Variants in SLC24A2 observed in about 807,000 individuals in gnomAD.
SLC24A2 encodes the protein solute carrier family 24 member 2.
Under a neutral mutation model 62.0 loss-of-function variants are expected in SLC24A2, and 36 were observed. That is an observed-to-expected ratio of 0.58 (90% confidence interval 0.44 to 0.77). The LOEUF (loss-of-function observed/expected upper bound fraction) is 0.77, where lower values mean the gene tolerates loss of function less well. Among genes scored for constraint, SLC24A2 ranks in the 30% least tolerant of loss-of-function variants. The pLI is 0.00. For synonymous variants in SLC24A2, 358 were observed against 294.0 expected, an observed-to-expected ratio of 1.22 and a Z score of -2.23; for missense variants, 846 against 817.9, an observed-to-expected ratio of 1.03 and a Z score of -0.42.
At chr9:20,032,863 T>C in the SLC24A2 span, among the ~76,000 whole-genome samples, 1 of 152,122 alleles carries the variant, frequency 6.6e-6, no homozygotes, top group Non-Finnish European at 1.5e-5. Flanking sequence ...AAACACAGTG[T>C]ATTGCAAGCT....
At chr9:20,195,257 T>C in the SLC24A2 span, among the ~76,000 whole-genome samples, 1 of 152,152 alleles carries the variant, frequency 6.6e-6, no homozygotes, top group African/African-American at 2.4e-5. Context: ...TATACCTTAA[T>C]ATAATAACTA....
the SLC24A2 span, among the ~76,000 whole-genome samples, chr9:20,076,839 G>GATAT: frequency 3.2e-4 from 46 of 142,560 alleles, no homozygotes; most frequent in East Asian, 8.0e-3. Context: ...AAGAAAATGT[G>GATAT]ATATATATAT....
At chr9:19,707,575 C>A (rs1392860381) in intron 2 of SLC24A2, among the ~76,000 whole-genome samples, 3 of 152,176 alleles carry the variant, frequency 2.0e-5, no homozygotes, top group Non-Finnish European at 4.4e-5. Context: ...TGGGCTTCAT[C>A]CCTGGGATGC....
chr9:19,529,521 G>C (rs1833597804), intron 8 of SLC24A2, among the ~76,000 whole-genome samples: 1 of 152,090 alleles, frequency 6.6e-6, no homozygotes, highest in Admixed American at 6.5e-5. Flanking sequence ...CCGTTTGTTA[G>C]CTTGGATGAC....
At chr9:20,068,583 C>A in the SLC24A2 span, among the ~76,000 whole-genome samples, 3 of 152,082 alleles carry the variant, frequency 2.0e-5, no homozygotes, top group Non-Finnish European at 2.9e-5. Flanking sequence ...AGCTAAGTCT[C>A]TCAATAAATG....
At chr9:20,209,753 G>C in the SLC24A2 span, among the ~76,000 whole-genome samples, 1 of 152,172 alleles carries the variant, frequency 6.6e-6, no homozygotes, top group Admixed American at 6.5e-5. Context: ...AGTCAAATGT[G>C]TCCATGAAAG....
At chr9:20,212,510 G>A in the SLC24A2 span, among the ~76,000 whole-genome samples, 2 of 151,562 alleles carry the variant, frequency 1.3e-5, no homozygotes, top group Non-Finnish European at 2.9e-5. Context: ...AATTAGCAGG[G>A]CGTGGTGGCA....
the SLC24A2 span, among the ~76,000 whole-genome samples, chr9:19,820,464 T>A: frequency 1.3e-5 from 2 of 151,258 alleles, no homozygotes; most frequent in Non-Finnish European, 2.9e-5. Context: ...AAAAAAATTT[T>A]AAAAAAGAAC....
At chr9:19,770,694 A>G (rs1822660587) in intron 2 of SLC24A2, among the ~76,000 whole-genome samples, 1 of 152,362 alleles carries the variant, frequency 6.6e-6, no homozygotes, top group South Asian at 2.1e-4. Context: ...ACAGTAGCAC[A>G]TAAAATATTT....
Position 19,573,573 on chromosome 9 carries a change from G to T in SLC24A2, c.1229-104C>A, listed in dbSNP as rs539184070. 6.9e-6 allele frequency: 6 copies of T among 869,856 alleles called. No individual in the cohort carries two copies. The African/African-American group carries it at 8.4e-5, about 12-fold the overall frequency. The allele number at this position is 869,856 out of a possible 1,614,324, so 53.9% of individuals were successfully genotyped here. A position where few individuals can be genotyped will look rare whatever the true frequency, so the allele number is the denominator to read the frequency against. On this transcript the variant is annotated intron_variant, in intron 6 of 10. Transcript: ENST00000341998. ...AGAGAGAAAGCAAATGGAATCAATGGGGGTAAAGAGCAATATTGAAAAGAG... is the reference window on the plus strand; with the variant it reads ...AGAGAGAAAGCAAATGGAATCAATGTGGGTAAAGAGCAATATTGAAAAGAG...
the SLC24A2 span, among the ~76,000 whole-genome samples, chr9:19,871,157 G>A: frequency 1.3e-5 from 2 of 152,086 alleles, no homozygotes; most frequent in South Asian, 4.1e-4. Context: ...TTTTTGGTTG[G>A]GAGTTCTTTT....
At chr9:19,558,257 C>A (rs1835200597) in intron 7 of SLC24A2, among the ~76,000 whole-genome samples, 1 of 152,148 alleles carries the variant, frequency 6.6e-6, no homozygotes, top group African/African-American at 2.4e-5. Flanking sequence ...GCCCTCTTCT[C>A]TCCTTTAGCT....
chr9:19,567,706 A>T (rs969405383), intron 7 of SLC24A2, among the ~76,000 whole-genome samples: 2 of 149,832 alleles, frequency 1.3e-5, no homozygotes, highest in African/African-American at 2.5e-5. Context: ...AAAAAAAAAA[A>T]TTTGAGAAGG....
At chr9:20,041,693 G>C in the SLC24A2 span, among the ~76,000 whole-genome samples, 1 of 152,244 alleles carries the variant, frequency 6.6e-6, no homozygotes, top group Non-Finnish European at 1.5e-5. Flanking sequence ...TAGGAGGTCT[G>C]CTCAATTCAG....
At chr9:19,834,815 C>T in the SLC24A2 span, among the ~76,000 whole-genome samples, 374 of 152,240 alleles carry the variant, frequency 2.5e-3, no homozygotes, top group Middle Eastern at 0.014. Context: ...ATGTTAAGGG[C>T]AGCCAGAGAG....
chr9:19,823,323 G>A, the SLC24A2 span, among the ~76,000 whole-genome samples: 1 of 150,358 alleles, frequency 6.7e-6, no homozygotes, highest in South Asian at 2.1e-4. Flanking sequence ...GTGTGTGTGT[G>A]TGTGTATTCA....
the SLC24A2 span, among the ~76,000 whole-genome samples, chr9:19,852,040 G>A: frequency 1.3e-5 from 2 of 152,134 alleles, no homozygotes. Context: ...GCATAAGATA[G>A]TATCTCATTG....
intron 10 of SLC24A2, among the ~76,000 whole-genome samples, chr9:19,520,292 C>T (rs1028029787): frequency 2.0e-5 from 3 of 152,082 alleles, no homozygotes; most frequent in Non-Finnish European, 4.4e-5. Flanking sequence ...TGGTGGAGAT[C>T]GCAGCACCTC....
chr9:20,254,030 G>C, the SLC24A2 span, among the ~76,000 whole-genome samples: 1 of 152,174 alleles, frequency 6.6e-6, no homozygotes, highest in African/African-American at 2.4e-5. Flanking sequence ...GACAAAGACA[G>C]GCAGGGAGTG....
Sources: allele counts gnomAD v4.1 joint callset (sites outside exome capture counted in the v4.1 genomes callset), GRCh38; gene constraint gnomAD v4.1.1; transcripts MANE v1.5; gene names NCBI Gene and HGNC (gene_info 2026-07-23, HGNC 2026-07-21).